The following TXNDC8 variants were observed in gnomAD, a reference collection of about 807,000 sequenced individuals.
TXNDC8 encodes thioredoxin domain-containing protein 8.
TXNDC8 carries 15 observed loss-of-function variants against 12.9 expected under a neutral mutation model. The observed-to-expected ratio is 1.16, with a 90% CI of 0.78 to 1.79. The LOEUF (loss-of-function observed/expected upper bound fraction) is 1.79. TXNDC8 is among the 40% of genes most tolerant of loss of function. The pLI is 0.00. For missense variants in TXNDC8, 128 were observed against 113.2 expected (o/e 1.13, Z -0.59); for synonymous variants, 40 against 35.4 (o/e 1.13, Z -0.46).
chr9:110,321,240 G>A (rs1229915853), intron 3 of TXNDC8, among the ~76,000 whole-genome samples: 1 of 152,172 alleles, frequency 6.6e-6, no homozygotes. Context: ...CTGCTGGTAA[G>A]GGAGATTACT....
At chr9:110,325,117 C>A (rs1839255810) in intron 3 of TXNDC8, among the ~76,000 whole-genome samples, 1 of 151,776 alleles carries the variant, frequency 6.6e-6, no homozygotes, top group Admixed American at 6.6e-5. Flanking sequence ...AAGACTCCAT[C>A]CCCCCACCCC....
chr9:110,333,925 A>G (rs777395397), intron 2 of TXNDC8, among the ~76,000 whole-genome samples: 2 of 152,194 alleles, frequency 1.3e-5, no homozygotes, highest in Non-Finnish European at 2.9e-5. Context: ...ACTTTGGTAA[A>G]ATGTCATTGC....
In TXNDC8 at chr9:110,323,815, T is replaced by C. The variant is rs952680909; in HGVS notation, c.195+2360A>G. 5.9e-6 allele frequency: 9 copies of C among 1,528,224 alleles called. No individual in the cohort carries two copies. The Admixed American group carries it at 1.2e-4, about 21-fold the overall frequency. The allele number at this position is 1,528,224 out of a possible 1,614,324, so 94.7% of individuals were successfully genotyped here. A position where few individuals can be genotyped will look rare whatever the true frequency, so the allele number is the denominator to read the frequency against. Reference sequence around the variant, plus strand: ...GGTTTTACATGGTGACAAGCTGTAGTAGCTTCAGACTCATATCTTCCCAAA... The same window carrying C: ...GGTTTTACATGGTGACAAGCTGTAGCAGCTTCAGACTCATATCTTCCCAAA... On this transcript the variant is annotated intron_variant, in intron 3 of 4. Coordinates refer to ENST00000423740, the MANE Select transcript of TXNDC8 (RefSeq NM_001286946.2).
chr9:110,303,776 A>G, intron 4 of TXNDC8, 193 bp from the exon 6 acceptor site: 1 of 1,413,162 alleles, frequency 7.1e-7, no homozygotes, highest in Non-Finnish European at 9.6e-7. Flanking sequence ...TCCTTTCAAA[A>G]TTACTTTTGC....
intron 1 of TXNDC8, 86 bp from the exon 2 acceptor site, chr9:110,334,406 G>C: frequency 7.6e-7 from 1 of 1,316,034 alleles, no homozygotes; most frequent in Non-Finnish European, 1.1e-6. Context: ...GATTAGTTTT[G>C]GTTTTGTTTT....
intron 3 of TXNDC8, among the ~76,000 whole-genome samples, chr9:110,315,990 C>G (rs1048116530): frequency 6.6e-6 from 1 of 151,812 alleles, no homozygotes; most frequent in African/African-American, 2.4e-5. Context: ...CTCCGCCTCC[C>G]GGGTCCAGGT....
chr9:110,321,626 A>C (rs1181147986), intron 3 of TXNDC8, among the ~76,000 whole-genome samples: 1 of 151,808 alleles, frequency 6.6e-6, no homozygotes, highest in East Asian at 1.9e-4. Flanking sequence ...AGAGAGGAGC[A>C]CATTTATGGA....
intron 2 of TXNDC8, among the ~76,000 whole-genome samples, chr9:110,330,819 T>C: frequency 6.6e-6 from 1 of 152,264 alleles, no homozygotes; most frequent in East Asian, 1.9e-4. Flanking sequence ...TTCTATCTTG[T>C]CTTTTACAGG....
At chr9:110,313,097 G>C (rs757887129) in intron 3 of TXNDC8, among the ~76,000 whole-genome samples, 1 of 152,038 alleles carries the variant, frequency 6.6e-6, no homozygotes, top group Admixed American at 6.6e-5. Flanking sequence ...GTAGAGACAG[G>C]GTTTCAACAT....
At chr9:110,311,316 T>G (rs1161894095) in intron 3 of TXNDC8, among the ~76,000 whole-genome samples, 3 of 151,828 alleles carry the variant, frequency 2.0e-5, no homozygotes, top group Non-Finnish European at 4.4e-5. Flanking sequence ...TTATATTAAA[T>G]TAATAGATAT....
chr9:110,336,744 C>G (rs1839775740), intron 1 of TXNDC8, among the ~76,000 whole-genome samples: 1 of 151,976 alleles, frequency 6.6e-6, no homozygotes, highest in African/African-American at 2.4e-5. Flanking sequence ...TATATTAGTG[C>G]TAATTGCTAA....
chr9:110,332,433 A>G (rs1839582218), intron 2 of TXNDC8, among the ~76,000 whole-genome samples: 2 of 152,230 alleles, frequency 1.3e-5, no homozygotes, highest in Admixed American at 6.5e-5. Context: ...CTATTGGAAT[A>G]TAAGTTCATT....
At chr9:110,323,608 C>A in intron 3 of TXNDC8, 1 of 287,848 alleles carries the variant, frequency 3.5e-6, no homozygotes, top group Non-Finnish European at 6.2e-6. Flanking sequence ...GGGAGAACAC[C>A]AGATATGTTC....
Position 110,305,837 on chromosome 9 carries a change from CTTTCTTTTCTTTTCTTTCTT to C in TXNDC8, c.196-1325_196-1306del, listed in dbSNP as rs1478846907. Reference sequence around the variant, plus strand: ...CTTTCCTTTCCTTTCCTTTCTTTTCCTTTCTTTTCTTTTCTTTCTTTTTCTTTTCTTTTCTTTTCTTTTTT... The same window carrying C: ...CTTTCCTTTCCTTTCCTTTCTTTTCCTTTCTTTTCTTTTCTTTTCTTTTTT... On this transcript the variant is annotated intron_variant, in intron 3 of 4. Coordinates refer to ENST00000423740, the MANE Select transcript of TXNDC8 (RefSeq NM_001286946.2). Among the ~76,000 whole-genome samples, 24 of 74,198 alleles carry C rather than the reference CTTTCTTTTCTTTTCTTTCTT, an allele frequency of 3.2e-4. No homozygotes were observed. The East Asian group carries it at 9.4e-3, about 29-fold the overall frequency. 48.7% of individuals were successfully genotyped at this position (74,198 alleles called of 152,430 possible).
rs79604784 is a variant in TXNDC8 at position 110,334,419 on chromosome 9, G to T, written c.25-99C>A. On this transcript the variant is annotated intron_variant, in intron 1 of 4. Coordinates refer to ENST00000423740, the MANE Select transcript of TXNDC8 (RefSeq NM_001286946.2). ...CAGATTAGTTTTGGTTTTGTTTTTG[G>T]TTTTTTTAAAGCCAGGTTATCACTA... 5.8e-4 allele frequency: 673 copies of T among 1,154,104 alleles called. 9 individuals carry two copies. In the East Asian group the frequency reaches 0.016, roughly 27 times the overall value. The allele number at this position is 1,154,104 out of a possible 1,614,324, so 71.5% of individuals were successfully genotyped here.
chr9:110,304,135 C>CT (rs1226987070), intron 4 of TXNDC8, among the ~76,000 whole-genome samples: 4 of 152,106 alleles, frequency 2.6e-5, no homozygotes, highest in South Asian at 4.1e-4. Context: ...AATAATGCAT[C>CT]TTTTTTGAAG....
intron 1 of TXNDC8, among the ~76,000 whole-genome samples, chr9:110,337,439 C>G (rs1839800446): frequency 6.6e-6 from 1 of 152,120 alleles, no homozygotes; most frequent in South Asian, 2.1e-4. Flanking sequence ...TTCCTTACTT[C>G]CATGGAATTT....
chr9:110,302,024 C>G (rs1487944653), downstream of TXNDC8, among the ~76,000 whole-genome samples: 5 of 151,966 alleles, frequency 3.3e-5, no homozygotes, highest in East Asian at 1.9e-4. Context: ...GAGTCTCGCT[C>G]TATTATCCAG....
chr9:110,319,376 G>A (rs183907687), intron 3 of TXNDC8, among the ~76,000 whole-genome samples: 15 of 152,256 alleles, frequency 9.9e-5, no homozygotes, highest in South Asian at 2.1e-4. Flanking sequence ...AGAGATGGCC[G>A]TGCACAGCTA....
Sources: gnomAD v4.1 joint callset for allele counts (sites outside exome capture counted in the v4.1 genomes callset) on GRCh38, gnomAD v4.1.1 for gene constraint, MANE v1.5 for transcripts, NCBI Gene and HGNC (gene_info 2026-07-23, HGNC 2026-07-21) for gene names.